Variants in FHIT observed in about 807,000 individuals in gnomAD.
FHIT encodes fragile histidine triad diadenosine triphosphatase, also known as bis(5'-adenosyl)-triphosphatase.
Under a neutral mutation model 17.9 loss-of-function variants are expected in FHIT, and 19 were observed. That is an observed-to-expected ratio of 1.06 (90% CI 0.74 to 1.56). FHIT has a LOEUF of 1.56. FHIT is among the 40% of genes most tolerant of loss of function. The pLI is 0.00. For synonymous variants in FHIT, 81 were observed against 69.7 expected (o/e 1.16, Z -0.81); for missense variants, 248 against 189.2 (o/e 1.31, Z -1.82).
At chr3:59,954,028 T>C (rs1707263344) in intron 7 of FHIT, among the ~76,000 whole-genome samples, 1 of 152,182 alleles carries the variant, frequency 6.6e-6, no homozygotes, top group South Asian at 2.1e-4. Flanking sequence ...CCAGTGTTAA[T>C]GCTGAAGTTG....
At position 60,205,661 on chromosome 3, in the gene FHIT, C is replaced by T. The variant is rs538283957; in HGVS notation, c.104-191509G>A. On this transcript the variant is annotated intron_variant, in intron 5 of 9. Transcript: ENST00000492590. ...CATGTGTACGGGAATGGGATAGTAC[C>T]GAGTGAAAACATGGGAACAAAATGA... Among the ~76,000 whole-genome samples, 130 of 152,010 alleles carry T rather than the reference C, an allele frequency of 8.6e-4. 3 individuals carry two copies. Among genetic ancestry groups the T allele is most frequent in the Admixed American group, 3.9e-4 (6 of 15,282 alleles).
At chr3:59,754,068 T>C (rs1008460622) in intron 8 of FHIT, among the ~76,000 whole-genome samples, 7 of 152,138 alleles carry the variant, frequency 4.6e-5, no homozygotes, top group African/African-American at 1.7e-4. Flanking sequence ...ACTCTAAATC[T>C]AACCTAGAGG....
chr3:60,109,355 G>A (rs1559640211), intron 5 of FHIT, among the ~76,000 whole-genome samples: 2 of 152,100 alleles, frequency 1.3e-5, no homozygotes, highest in Non-Finnish European at 2.9e-5. Context: ...GCATCTCAGA[G>A]GGTATTAAAC....
intron 4 of FHIT, among the ~76,000 whole-genome samples, chr3:60,618,927 A>G (rs1481777729): frequency 3.9e-5 from 6 of 152,152 alleles, no homozygotes; most frequent in East Asian, 1.9e-4. Context: ...TGAAAAGCCA[A>G]TGAAACAGAA....
At chr3:60,482,023 G>T (rs1257883385) in intron 5 of FHIT, among the ~76,000 whole-genome samples, 1 of 152,102 alleles carries the variant, frequency 6.6e-6, no homozygotes, top group East Asian at 1.9e-4. Flanking sequence ...AGAGCTTGCA[G>T]TCCTAGTCTC....
At chr3:60,962,288 G>C (rs2107500570) in intron 3 of FHIT, among the ~76,000 whole-genome samples, 1 of 152,332 alleles carries the variant, frequency 6.6e-6, no homozygotes, top group East Asian at 1.9e-4. Context: ...TTTGTATCCT[G>C]AGACTTTGCT....
At chr3:60,638,688 T>C (rs1237385686) in intron 4 of FHIT, among the ~76,000 whole-genome samples, 1 of 152,072 alleles carries the variant, frequency 6.6e-6, no homozygotes, top group East Asian at 1.9e-4. Context: ...CTATGATATA[T>C]TAATGTTACT....
Position 60,278,213 on chromosome 3 carries a change from T to C in FHIT, c.103+258647A>G, listed in dbSNP as rs568623918. On this transcript the variant is annotated intron_variant, in intron 5 of 9. Coordinates refer to ENST00000492590, the MANE Select transcript of FHIT (RefSeq NM_002012.4). ...CTGAGTTTTATGTCCAAGAACCCTA[T>C]CATGTTCTCATGGGGAAGTCTGGAG... Among the ~76,000 whole-genome samples, 9 of 152,286 alleles carry C rather than the reference T, an allele frequency of 5.9e-5. No homozygotes were observed. The East Asian group carries it at 9.7e-4, about 16-fold the overall frequency.
Position 60,362,057 on chromosome 3 carries a change from T to C in FHIT, c.103+174803A>G, listed in dbSNP as rs76707569. 2.1e-4 allele frequency among the ~76,000 whole-genome samples: 32 copies of C among 152,134 alleles called. No homozygotes were observed. The East Asian group carries it at 3.9e-3, about 18-fold the overall frequency. ...GGGTGTCACCAATCTTAAATCTCAG[T>C]GTTTAATACTGAGATTTAAAAAAAA... On this transcript the variant is annotated intron_variant, in intron 5 of 9. Transcript: ENST00000492590.
At chr3:60,233,557 C>G (rs547329959) in intron 5 of FHIT, among the ~76,000 whole-genome samples, 1 of 152,236 alleles carries the variant, frequency 6.6e-6, no homozygotes, top group East Asian at 1.9e-4. Context: ...GCACCCTTAC[C>G]ACTCTACCTA....
At chr3:60,474,334 C>A (rs1332260151) in intron 5 of FHIT, among the ~76,000 whole-genome samples, 1 of 152,096 alleles carries the variant, frequency 6.6e-6, no homozygotes, top group Admixed American at 6.5e-5. Context: ...AAAAATAAGC[C>A]TCAGAATCTT....
chr3:60,736,430 T>C (rs892992156), intron 4 of FHIT, among the ~76,000 whole-genome samples: 7 of 152,174 alleles, frequency 4.6e-5, no homozygotes, highest in African/African-American at 1.7e-4. Context: ...ACAAAATGTG[T>C]CATATCCACA....
chr3:59,916,827 C>G (rs1035817544), intron 8 of FHIT, among the ~76,000 whole-genome samples: 1 of 152,126 alleles, frequency 6.6e-6, no homozygotes, highest in Non-Finnish European at 1.5e-5. Context: ...TAAAAAGTCT[C>G]CATTAATTTA....
Position 60,132,044 on chromosome 3 carries a change from G to C in FHIT, c.104-117892C>G, listed in dbSNP as rs114571176. Among the ~76,000 whole-genome samples, 950 of 152,196 alleles carry C rather than the reference G, an allele frequency of 6.2e-3. 6 individuals are homozygous for C. Among genetic ancestry groups the C allele is most frequent in the Non-Finnish European group, 9.1e-3 (622 of 68,004 alleles). ...GAACCTTTACATACCCTGGCTCCTT[G>C]ATTTGGAGTGCTCTCTCTCCATCTG... On this transcript the variant is annotated intron_variant, in intron 5 of 9. Coordinates refer to ENST00000492590, the MANE Select transcript of FHIT (RefSeq NM_002012.4).
chr3:60,713,480 A>G, intron 4 of FHIT, among the ~76,000 whole-genome samples: 2 of 148,222 alleles, frequency 1.3e-5, no homozygotes, highest in Non-Finnish European at 3.0e-5. Context: ...AAAATTAATG[A>G]ATCCAGGAGC....
At chr3:59,751,179 GTATTGCA>G (rs773649222) in intron 9 of FHIT, 1 of 179,548 alleles carries the variant, frequency 5.6e-6, no homozygotes, top group Non-Finnish European at 1.2e-5. Flanking sequence ...ATATATGCCA[GTATTGCA>G]TGGTAACCCT....
chr3:60,599,262 A>C (rs1245409049), intron 4 of FHIT, among the ~76,000 whole-genome samples: 2 of 151,818 alleles, frequency 1.3e-5, no homozygotes, highest in Non-Finnish European at 2.9e-5. Flanking sequence ...AACTCATTTA[A>C]AAATATACCT....
intron 6 of FHIT, among the ~76,000 whole-genome samples, chr3:60,012,263 G>GTTTTTTTTTT (rs1416490274): frequency 8.4e-6 from 1 of 118,962 alleles, no homozygotes; most frequent in African/African-American, 3.7e-5. Flanking sequence ...TGTTTTTTTT[G>GTTTTTTTTTT]TTGTTTTTTT....
intron 4 of FHIT, among the ~76,000 whole-genome samples, chr3:60,610,091 A>G (rs2038738780): frequency 6.6e-6 from 1 of 152,154 alleles, no homozygotes; most frequent in Non-Finnish European, 1.5e-5. Context: ...TATTATATTT[A>G]TGCATATGAG....
Sources: gnomAD v4.1 joint callset for allele counts (sites outside exome capture counted in the v4.1 genomes callset) on GRCh38, gnomAD v4.1.1 for gene constraint, MANE v1.5 for transcripts, NCBI Gene and HGNC (gene_info 2026-07-23, HGNC 2026-07-21) for gene names.